Variants in NBEA observed in about 807,000 individuals in gnomAD.
NBEA encodes the protein neurobeachin.
A neutral mutation model predicts 343.4 loss-of-function variants in NBEA; 44 were observed. The observed-to-expected ratio is 0.13, with a 90% CI of 0.10 to 0.16. NBEA has a LOEUF of 0.16. Among genes scored for constraint, NBEA ranks in the 10% least tolerant of loss-of-function variants. The probability of loss-of-function intolerance (pLI) is 1.00; values close to 1 mark genes in which losing one functional copy is unlikely to be tolerated. For missense variants in NBEA, 2,555 were observed against 3,631.3 expected, an observed-to-expected ratio of 0.70 and a Z score of 7.62; for synonymous variants, 1,175 against 1,238.7, an observed-to-expected ratio of 0.95 and a Z score of 1.08.
At chr13:35,381,523 A>G (rs2152892275) in intron 38 of NBEA, among the ~76,000 whole-genome samples, 1 of 152,286 alleles carries the variant, frequency 6.6e-6, no homozygotes, top group East Asian at 1.9e-4. Flanking sequence ...ATTCCCGAGT[A>G]GCATGGGATG....
At chr13:35,205,265 A>G (rs981594833) in intron 31 of NBEA, among the ~76,000 whole-genome samples, 5 of 152,164 alleles carry the variant, frequency 3.3e-5, no homozygotes, top group Non-Finnish European at 7.4e-5. Flanking sequence ...GATCGGAGAA[A>G]TCGGTCAAAT....
intron 38 of NBEA, among the ~76,000 whole-genome samples, chr13:35,422,609 A>G (rs556697782): frequency 6.6e-6 from 1 of 152,268 alleles, no homozygotes; most frequent in Admixed American, 6.5e-5. Context: ...CAATTAACAT[A>G]TGTGTGCATG....
At chr13:35,415,952 C>G (rs2043880845) in intron 38 of NBEA, among the ~76,000 whole-genome samples, 1 of 152,132 alleles carries the variant, frequency 6.6e-6, no homozygotes, top group African/African-American at 2.4e-5. Context: ...TCCTTCACAT[C>G]CCTTGTAAGT....
intron 1 of NBEA, among the ~76,000 whole-genome samples, chr13:34,976,288 T>G (rs2060171501): frequency 6.6e-6 from 1 of 152,214 alleles, no homozygotes; most frequent in African/African-American, 2.4e-5. Flanking sequence ...CTGGATGGAC[T>G]TGCAGACTAT....
chr13:35,346,131 C>T (rs371369962), intron 36 of NBEA, among the ~76,000 whole-genome samples: 1 of 152,088 alleles, frequency 6.6e-6, no homozygotes. Context: ...CCTCCACCCC[C>T]ACAGCCATGC....
chr13:35,598,516 T>G (rs2153046428), intron 47 of NBEA, among the ~76,000 whole-genome samples: 1 of 152,322 alleles, frequency 6.6e-6, no homozygotes, highest in South Asian at 2.1e-4. Context: ...CCATAGAAAG[T>G]TAGGGCCAAA....
chr13:35,519,410 C>T (rs1480943829), intron 41 of NBEA, among the ~76,000 whole-genome samples: 1 of 152,116 alleles, frequency 6.6e-6, no homozygotes, highest in Non-Finnish European at 1.5e-5. Context: ...ATACAAGTCC[C>T]TTTCATTGAC....
chr13:35,542,560 A>C (rs1205131022), intron 41 of NBEA, among the ~76,000 whole-genome samples: 3 of 152,148 alleles, frequency 2.0e-5, no homozygotes, highest in Admixed American at 1.3e-4. Context: ...CTCTTCTACC[A>C]GATATTTGAA....
At chr13:35,445,065 G>A (rs2045923005) in intron 39 of NBEA, among the ~76,000 whole-genome samples, 1 of 152,084 alleles carries the variant, frequency 6.6e-6, no homozygotes, top group Admixed American at 6.6e-5. Context: ...ATGGTGGAAG[G>A]AAGAATAGTA....
chr13:35,455,000 T>G (rs899257039), intron 40 of NBEA, among the ~76,000 whole-genome samples: 1 of 152,126 alleles, frequency 6.6e-6, no homozygotes, highest in South Asian at 2.1e-4. Flanking sequence ...TATTTCAATC[T>G]CTGAGATAAA....
At chr13:35,359,115 A>G (rs983616615) in intron 38 of NBEA, among the ~76,000 whole-genome samples, 2 of 152,206 alleles carry the variant, frequency 1.3e-5, no homozygotes, top group Non-Finnish European at 2.9e-5. Flanking sequence ...AAAGCAAAGA[A>G]GTATTTGAAC....
chr13:35,360,115 A>C (rs1262379783), intron 38 of NBEA, among the ~76,000 whole-genome samples: 1 of 151,996 alleles, frequency 6.6e-6, no homozygotes, highest in East Asian at 1.9e-4. Context: ...GCAGGATTTG[A>C]GTCTAGGTTG....
intron 46 of NBEA, among the ~76,000 whole-genome samples, chr13:35,590,187 A>G (rs527516710): frequency 6.6e-6 from 1 of 152,238 alleles, no homozygotes; most frequent in East Asian, 1.9e-4. Flanking sequence ...AAGGCTCTGC[A>G]TTGTGGCTTG....
intron 41 of NBEA, among the ~76,000 whole-genome samples, chr13:35,492,923 T>G (rs1044103324): frequency 6.6e-6 from 1 of 151,862 alleles, no homozygotes; most frequent in African/African-American, 2.4e-5. Flanking sequence ...GAAAAGTAGA[T>G]GTAGTAAAAT....
intron 41 of NBEA, among the ~76,000 whole-genome samples, chr13:35,497,874 G>T (rs1159367546): frequency 6.6e-6 from 1 of 151,866 alleles, no homozygotes; most frequent in Non-Finnish European, 1.5e-5. Context: ...CACTTGAATG[G>T]ATTATTTATA....
intron 34 of NBEA, among the ~76,000 whole-genome samples, chr13:35,265,521 A>G (rs1024204668): frequency 6.6e-6 from 1 of 151,964 alleles, no homozygotes; most frequent in East Asian, 1.9e-4. Context: ...ATAGACATAC[A>G]TACCAATAGG....
chr13:35,200,796 A>T (rs979426774), intron 31 of NBEA, among the ~76,000 whole-genome samples: 2 of 151,944 alleles, frequency 1.3e-5, no homozygotes, highest in African/African-American at 4.8e-5. Context: ...CATATTATTA[A>T]CCATGAAGTA....
At chr13:34,955,699 A>AT (rs574771064) in intron 1 of NBEA, among the ~76,000 whole-genome samples, 94 of 151,752 alleles carry the variant, frequency 6.2e-4, no homozygotes, top group Middle Eastern at 3.4e-3. Context: ...TGTAGAAATC[A>AT]TTTTTTTTTA....
chr13:35,273,834 C>T (rs962815286), intron 34 of NBEA, among the ~76,000 whole-genome samples: 2 of 151,880 alleles, frequency 1.3e-5, no homozygotes, highest in Admixed American at 1.3e-4. Context: ...AATCTCTGAA[C>T]AGGACAATAA....
Sources: allele counts gnomAD v4.1 joint callset (sites outside exome capture counted in the v4.1 genomes callset), GRCh38; gene constraint gnomAD v4.1.1; transcripts MANE v1.5; gene names NCBI Gene and HGNC (gene_info 2026-07-23, HGNC 2026-07-21).